The following KATNBL1 variants were observed in gnomAD, a reference collection of about 807,000 sequenced individuals.
KATNBL1 encodes KATNB1-like protein 1.
A neutral mutation model predicts 44.7 loss-of-function variants in KATNBL1; 28 were observed. The observed-to-expected ratio is 0.63, with a 90% confidence interval of 0.46 to 0.86. The LOEUF (loss-of-function observed/expected upper bound fraction) is 0.86, where lower values mean the gene tolerates loss of function less well. Ranked by LOEUF, KATNBL1 falls within the 40% of genes least tolerant of loss-of-function variation. The probability of loss-of-function intolerance (pLI) is 0.00; values close to 1 mark genes in which losing one functional copy is unlikely to be tolerated. For missense variants in KATNBL1, 272 were observed against 350.7 expected, an observed-to-expected ratio of 0.78 and a Z score of 1.79; for synonymous variants, 78 against 114.9, an observed-to-expected ratio of 0.68 and a Z score of 2.06.
intron 1 of KATNBL1, among the ~76,000 whole-genome samples, chr15:34,204,015 AC>A (rs1298732989): frequency 2.8e-5 from 3 of 105,618 alleles, no homozygotes; most frequent in Non-Finnish European, 4.3e-5. Context: ...GTACCTCAGA[AC>A]TTAATTAAAA....
intron 1 of KATNBL1, among the ~76,000 whole-genome samples, chr15:34,184,118 C>A (rs145225594): frequency 0.013 from 2,042 of 152,148 alleles, 10 homozygotes; most frequent in Non-Finnish European, 0.02. Context: ...CCTGGCTAAC[C>A]CGGTGAAACC....
chr15:34,144,429 T>A (rs1203177780), intron 9 of KATNBL1, among the ~76,000 whole-genome samples: 3 of 150,582 alleles, frequency 2.0e-5, no homozygotes, highest in Non-Finnish European at 3.0e-5. Context: ...AATATATATA[T>A]ATATATATTT....
chr15:34,151,436 CTTTTTTTTTTTTTTTTTTTT>C (rs58824450), intron 4 of KATNBL1, among the ~76,000 whole-genome samples: 3 of 60,678 alleles, frequency 4.9e-5, no homozygotes, highest in Non-Finnish European at 8.8e-5. Context: ...CCTTTGCCTA[CTTTTTTTTTTTTTTTTTTTT>C]TTTTTTTTTT....
At chr15:34,187,136 G>A (rs1219365924) in intron 1 of KATNBL1, among the ~76,000 whole-genome samples, 3 of 152,206 alleles carry the variant, frequency 2.0e-5, no homozygotes, top group African/African-American at 4.8e-5. Flanking sequence ...ACCACCAGCT[G>A]CAGAGAGGAG....
At position 34,175,156 on chromosome 15, in the gene KATNBL1, A is replaced by ACACG. The variant is rs1258964208; in HGVS notation, c.-14-11467_-14-11466insCGTG. 1.4e-3 allele frequency among the ~76,000 whole-genome samples: 208 copies of ACACG among 144,024 alleles called. 1 individual carries two copies. Among genetic ancestry groups the ACACG allele is most frequent in the African/African-American group, 5.2e-3 (200 of 38,640 alleles). The allele number at this position is 144,024 out of a possible 152,430, so 94.5% of individuals were successfully genotyped here. ...CACACACACACACACACACACACAC[A>ACACG]CGCATATATAATATATATGTACATA... On this transcript the variant is annotated intron_variant, in intron 1 of 9. Coordinates refer to ENST00000256544, the MANE Select transcript of KATNBL1 (RefSeq NM_024713.3).
intron 1 of KATNBL1, among the ~76,000 whole-genome samples, chr15:34,208,310 T>C (rs931806890): frequency 6.6e-6 from 1 of 152,184 alleles, no homozygotes; most frequent in Non-Finnish European, 1.5e-5. Context: ...ACATTTCTTT[T>C]GTATAGCCAA....
chr15:34,156,947 T>G (rs1888656178), intron 2 of KATNBL1, among the ~76,000 whole-genome samples: 1 of 152,194 alleles, frequency 6.6e-6, no homozygotes, highest in South Asian at 2.1e-4. Flanking sequence ...AACTACAGCA[T>G]AAAAGCTTTG....
intron 1 of KATNBL1, among the ~76,000 whole-genome samples, chr15:34,181,462 T>C (rs1288410317): frequency 6.6e-6 from 1 of 151,282 alleles, no homozygotes; most frequent in Non-Finnish European, 1.5e-5. Context: ...ATACTGAAGG[T>C]CTTCATAATT....
intron 1 of KATNBL1, among the ~76,000 whole-genome samples, chr15:34,182,715 T>A (rs940687740): frequency 2.6e-5 from 4 of 152,124 alleles, no homozygotes; most frequent in Non-Finnish European, 5.9e-5. Flanking sequence ...CCTGGATAAG[T>A]CTCAAATGCA....
chr15:34,202,656 A>C (rs1184016838), intron 1 of KATNBL1, among the ~76,000 whole-genome samples: 1 of 152,146 alleles, frequency 6.6e-6, no homozygotes, highest in African/African-American at 2.4e-5. Flanking sequence ...TGTGTCCAAG[A>C]CTTAACTATA....
chr15:34,175,710 G>T (rs1889309654), intron 1 of KATNBL1, among the ~76,000 whole-genome samples: 1 of 152,178 alleles, frequency 6.6e-6, no homozygotes, highest in Admixed American at 6.5e-5. Flanking sequence ...GGAAGAACTG[G>T]ATCCCTCACG....
chr15:34,201,602 G>T (rs1421940308), intron 1 of KATNBL1, among the ~76,000 whole-genome samples: 2 of 152,200 alleles, frequency 1.3e-5, no homozygotes. Context: ...CTTACGCCTA[G>T]AAGTAGATGG....
At chr15:34,151,989 G>A (rs1888493976) in intron 4 of KATNBL1, among the ~76,000 whole-genome samples, 2 of 150,060 alleles carry the variant, frequency 1.3e-5, no homozygotes, top group South Asian at 4.2e-4. Flanking sequence ...TGCCCAGGCT[G>A]GAGTGCAATG....
intron 2 of KATNBL1, among the ~76,000 whole-genome samples, chr15:34,156,656 C>T (rs1046910907): frequency 2.6e-5 from 4 of 151,860 alleles, no homozygotes; most frequent in East Asian, 1.9e-4. Flanking sequence ...AAGGTGTAGG[C>T]GGTGGGGGAG....
rs528702266 is a variant in KATNBL1 at position 34,197,897 on chromosome 15, G to A, written c.-15+12054C>T. ...CTAGTAGCTGGGATTACAGGCACAC[G>A]CCACCACACCCACCTAATTTTTTTA... On this transcript the variant is annotated intron_variant, in intron 1 of 9. Coordinates refer to ENST00000256544, the MANE Select transcript of KATNBL1 (RefSeq NM_024713.3). Among the ~76,000 whole-genome samples the A allele has an allele frequency of 4.9e-3, 743 of 152,150 alleles. 5 individuals carry two copies. The highest frequency in any genetic ancestry group is 7.8e-3 in the Non-Finnish European group (532 of 68,002).
At chr15:34,165,580 T>A (rs1293142135) in intron 1 of KATNBL1, among the ~76,000 whole-genome samples, 2 of 152,100 alleles carry the variant, frequency 1.3e-5, no homozygotes, top group East Asian at 3.9e-4. Flanking sequence ...GCGGATCACC[T>A]GAGGTCAGGA....
At chr15:34,202,230 T>C (rs1439031287) in intron 1 of KATNBL1, among the ~76,000 whole-genome samples, 1 of 152,198 alleles carries the variant, frequency 6.6e-6, no homozygotes, top group East Asian at 1.9e-4. Context: ...ACCAATAAAG[T>C]AGTATTCAAC....
At chr15:34,174,853 G>T (rs9920654) in intron 1 of KATNBL1, among the ~76,000 whole-genome samples, 84,381 of 151,514 alleles carry the variant, frequency 0.56, 24,419 homozygotes, top group East Asian at 0.71. Context: ...CGTTAGCTAG[G>T]CTGGTCTTGA....
intron 9 of KATNBL1, chr15:34,145,183 C>T: frequency 7.4e-7 from 1 of 1,354,268 alleles, no homozygotes; most frequent in Non-Finnish European, 9.7e-7. Flanking sequence ...ATTTCAGGGG[C>T]TGTACATGAA....
Sources: gnomAD v4.1 joint callset for allele counts (sites outside exome capture counted in the v4.1 genomes callset) on GRCh38, gnomAD v4.1.1 for gene constraint, MANE v1.5 for transcripts, NCBI Gene and HGNC (gene_info 2026-07-23, HGNC 2026-07-21) for gene names.